The following TSNAXIP1 variants were observed in gnomAD, a reference collection of about 807,000 sequenced individuals.
TSNAXIP1 encodes the protein translin associated factor X interacting protein 1.
A neutral mutation model predicts 84.8 loss-of-function variants in TSNAXIP1; 89 were observed. That is an observed-to-expected ratio of 1.05 (90% CI 0.88 to 1.25). TSNAXIP1 has a LOEUF of 1.25. Ranked by LOEUF, TSNAXIP1 falls within the 50% of genes most tolerant of loss-of-function variation. TSNAXIP1 has a pLI of 0.00. For synonymous variants in TSNAXIP1, 347 were observed against 335.2 expected (o/e 1.04, Z -0.39); for missense variants, 874 against 887.6 (o/e 0.98, Z 0.20).
At chr16:67,826,654 C>A (rs763871387) in intron 11 of TSNAXIP1, 38 bp from the exon 12 acceptor site, 11 of 1,611,056 alleles carry the variant, frequency 6.8e-6, no homozygotes, top group Non-Finnish European at 9.3e-6. Flanking sequence ...GGCCAACCAA[C>A]CGTAAGACTC....
intron 4 of TSNAXIP1, among the ~76,000 whole-genome samples, chr16:67,822,279 A>G (rs933491700): frequency 4.8e-5 from 6 of 125,258 alleles, no homozygotes; most frequent in Non-Finnish European, 9.5e-5. Context: ...ACTCCATCTC[A>G]AAAAAAAAAA....
In TSNAXIP1 at chr16:67,827,397, A is replaced by C. The variant is rs773675086; in HGVS notation, c.1791+22A>C. On this transcript the variant is annotated intron_variant, in intron 14 of 15. Coordinates refer to ENST00000561639, the MANE Select transcript of TSNAXIP1 (RefSeq NM_001288990.3). The stretch of plus-strand genomic sequence containing the variant: ...GGAGGTGGGTGTGTGGGGTCCGGGG[A>C]CTGGCCTGGCCCCTGCCCTAGCCTT... The C allele has an allele frequency of 8.1e-6, 13 of 1,614,064 alleles. No individual in the cohort carries two copies. The Admixed American group carries it at 1.7e-4, about 21-fold the overall frequency.
Position 67,825,671 on chromosome 16 carries a change from C to A in TSNAXIP1, c.819C>A (p.Ile273=). 1 of 1,610,132 alleles carries A rather than the reference C, an allele frequency of 6.2e-7. No homozygotes were observed. The highest frequency in any genetic ancestry group is 8.5e-7 in the Non-Finnish European group (1 of 1,177,120). The change falls in exon 8 of 16, where the codon ATC becomes ATA. Residue 273 remains isoleucine, a synonymous_variant. Coordinates refer to ENST00000561639, the MANE Select transcript of TSNAXIP1 (RefSeq NM_001288990.3). The part of the protein sequence containing the change: ...EDMSLAQSPG[I]WGEDPVKLTL... ...GTGGGCCCCTTCCCCTGGCAGGCAT[C>A]TGGGGGGAGGACCCTGTGAAGTTAA...
At chr16:67,810,371 A>C (rs2055940829) in intron 1 of TSNAXIP1, among the ~76,000 whole-genome samples, 1 of 152,098 alleles carries the variant, frequency 6.6e-6, no homozygotes, top group Admixed American at 6.6e-5. Context: ...CTGTAATCCC[A>C]GCACTTTGGG....
chr16:67,825,700 T>G lies in TSNAXIP1; in HGVS notation c.848T>G (p.Leu283Arg). 1 of 1,614,036 alleles carries G rather than the reference T, an allele frequency of 6.2e-7. No homozygotes were observed. Among genetic ancestry groups the G allele is most frequent in the Non-Finnish European group, 8.5e-7 (1 of 1,179,962 alleles). ...GGGGAGGACCCTGTGAAGTTAACCC[T>G]GGCTCTTAAGATGACCCGGCAAGAC... ...IWGEDPVKLT[L>R]ALKMTRQDLT... The change falls in exon 8 of 16, where the codon CTG (leucine) becomes CGG (arginine). Residue 283 changes from leucine to arginine, a missense_variant. Physicochemically the swap from Leu to Arg is moderately radical, Grantham distance 102. Coordinates refer to ENST00000561639, the MANE Select transcript of TSNAXIP1 (RefSeq NM_001288990.3).
At chr16:67,817,627 C>G (rs1163190659) in intron 2 of TSNAXIP1, among the ~76,000 whole-genome samples, 1 of 149,548 alleles carries the variant, frequency 6.7e-6, no homozygotes, top group African/African-American at 2.4e-5. Context: ...CGCGGTGGCT[C>G]ACGCCTGTAA....
chr16:67,815,793 T>G (rs1028153429), intron 2 of TSNAXIP1, among the ~76,000 whole-genome samples: 1 of 150,862 alleles, frequency 6.6e-6, no homozygotes, highest in African/African-American at 2.4e-5. Flanking sequence ...GCCACCACAC[T>G]GAGCTCAATA....
At chr16:67,824,470 A>G (rs139435613) in intron 5 of TSNAXIP1, 113 bp from the exon 6 acceptor site, 4 of 989,628 alleles carry the variant, frequency 4.0e-6, no homozygotes, top group African/African-American at 3.3e-5. Context: ...CAAGGCATGC[A>G]GAGATTCTTG....
intron 5 of TSNAXIP1, 134 bp from the exon 6 acceptor site, chr16:67,824,449 A>C (rs1322728847): frequency 9.7e-6 from 8 of 820,700 alleles, no homozygotes; most frequent in Non-Finnish European, 1.5e-5. Context: ...AACAGGGACC[A>C]TGGCTTTGAA....
Position 67,820,857 on chromosome 16 carries a change from G to C in TSNAXIP1, c.166G>C (p.Gly56Arg). The change falls in exon 3 of 16, where the codon GGT becomes CGT. Residue 56 changes from glycine to arginine, a missense_variant. Coordinates refer to ENST00000561639, the MANE Select transcript of TSNAXIP1 (RefSeq NM_001288990.3). ...CCTGCAGACTGGTCAGTTCTCCATG[G>C]GTGGGCACCTGTCCCCATGGCCCAC... is the stretch of plus-strand genomic sequence containing the variant. The part of the protein sequence containing the change: ...RRTLTGQFSM[G>R]GHLSPWPTYT... The C allele has an allele frequency of 6.4e-7, 1 of 1,567,766 alleles. No individual in the cohort carries two copies. Among genetic ancestry groups the C allele is most frequent in the Non-Finnish European group, 8.6e-7 (1 of 1,158,308 alleles).
Position 67,807,053 on chromosome 16 carries a change from C to CGGGGGGG in TSNAXIP1, c.-96_-90dup, listed in dbSNP as rs3833058. 9 of 1,486,986 alleles carry CGGGGGGG rather than the reference C, an allele frequency of 6.1e-6. No homozygotes were observed. The African/African-American group carries it at 1.1e-4, about 19-fold the overall frequency. The allele number at this position is 1,486,986 out of a possible 1,614,324, so 92.1% of individuals were successfully genotyped here. The stretch of plus-strand genomic sequence containing the variant: ...CGCATCCCTGACTCCGCCCCCGCCG[C>CGGGGGGG]GGGGGGGCCTCTGGGGCCTGGTCGC... On this transcript the variant is annotated 5_prime_UTR_variant, in exon 1 of 16. Coordinates refer to ENST00000561639, the MANE Select transcript of TSNAXIP1 (RefSeq NM_001288990.3).
intron 2 of TSNAXIP1, among the ~76,000 whole-genome samples, chr16:67,818,993 C>T (rs575399920): frequency 5.3e-5 from 8 of 151,876 alleles, no homozygotes; most frequent in African/African-American, 1.9e-4. Flanking sequence ...GTGAGCTGGG[C>T]GCGATGGCTC....
chr16:67,821,215 T>G lies in TSNAXIP1; in HGVS notation c.377T>G (p.Leu126Arg), dbSNP rs543636961. Residue 126 changes from leucine to arginine, a missense_variant, in exon 4 of 16, where the codon CTA (leucine) becomes CGA (arginine). Coordinates refer to ENST00000561639, the MANE Select transcript of TSNAXIP1 (RefSeq NM_001288990.3). ...LDLGTDSTQE[L>R]RLQPYREIFE... ...CTGGGCACAGATTCCACCCAGGAAC[T>G]AAGGCTGCAGGTCAGAGCCACAGAA... 1 of 1,559,548 alleles carries G rather than the reference T, an allele frequency of 6.4e-7. No individual in the cohort carries two copies. The highest frequency in any genetic ancestry group is 8.7e-7 in the Non-Finnish European group (1 of 1,148,252).
At chr16:67,824,036 A>AC (rs1255221398) in intron 5 of TSNAXIP1, among the ~76,000 whole-genome samples, 2 of 151,114 alleles carry the variant, frequency 1.3e-5, no homozygotes, top group Admixed American at 6.6e-5. Context: ...AAAAAAAAAA[A>AC]AGAATGCAGC....
chr16:67,807,579 C>G (rs934244820), intron 1 of TSNAXIP1: 5 of 369,292 alleles, frequency 1.4e-5, no homozygotes, highest in Non-Finnish European at 2.5e-5. Context: ...ATCCTTCTAC[C>G]TCAGCCTCCC....
chr16:67,819,459 G>T (rs1598050367), intron 2 of TSNAXIP1, among the ~76,000 whole-genome samples: 1 of 151,678 alleles, frequency 6.6e-6, no homozygotes, highest in East Asian at 2.0e-4. Context: ...GGCCAGGCTG[G>T]TCTCAAATTC....
At chr16:67,814,060 G>T (rs971023314) in intron 1 of TSNAXIP1, among the ~76,000 whole-genome samples, 1 of 152,206 alleles carries the variant, frequency 6.6e-6, no homozygotes, top group Non-Finnish European at 1.5e-5. Context: ...TCATGGGGAG[G>T]ATGTCCTGCT....
chr16:67,826,091 C>T lies in TSNAXIP1; in HGVS notation c.1144+15C>T. ...CAAGTGCAAAGGTGAGGGCAGCCGG[C>T]AGGGCCCCAGGTCCTGCTTACATGT... is the stretch of plus-strand genomic sequence containing the variant. On this transcript the variant is annotated intron_variant, in intron 9 of 15. Transcript: ENST00000561639. 6.2e-7 allele frequency: 1 copy of T among 1,613,280 alleles called. No individual in the cohort carries two copies.
chr16:67,808,182 C>G (rs765030427), intron 1 of TSNAXIP1, among the ~76,000 whole-genome samples: 12 of 151,978 alleles, frequency 7.9e-5, no homozygotes, highest in Non-Finnish European at 1.3e-4. Context: ...ATGTAGTGTC[C>G]CCCCTTCTAC....
Sources: gnomAD v4.1 joint callset for allele counts (sites outside exome capture counted in the v4.1 genomes callset) on GRCh38, gnomAD v4.1.1 for gene constraint, MANE v1.5 for transcripts, NCBI Gene and HGNC (gene_info 2026-07-23, HGNC 2026-07-21) for gene names.